The following ITGA2 variants were observed in gnomAD, a reference collection of about 807,000 sequenced individuals.
The protein encoded by ITGA2 is integrin alpha-2.
In ITGA2, 101 loss-of-function variants were observed where a neutral mutation model predicts 146.3. That is an observed-to-expected ratio of 0.69 (90% CI 0.59 to 0.81). The LOEUF (loss-of-function observed/expected upper bound fraction) is 0.81, where lower values mean the gene tolerates loss of function less well. Among genes scored for constraint, ITGA2 ranks in the 40% least tolerant of loss-of-function variants. The probability of loss-of-function intolerance (pLI) is 0.00; values close to 1 mark genes in which losing one functional copy is unlikely to be tolerated. For missense variants in ITGA2, 1,281 were observed against 1,402.7 expected (o/e 0.91, Z 1.39); for synonymous variants, 477 against 487.1 (o/e 0.98, Z 0.27).
chr5:53,052,037 T>C (rs959654077), intron 7 of ITGA2, among the ~76,000 whole-genome samples: 1 of 152,134 alleles, frequency 6.6e-6, no homozygotes, highest in African/African-American at 2.4e-5. Flanking sequence ...TTGATTCTTA[T>C]CTCAATTTCT....
intron 2 of ITGA2, among the ~76,000 whole-genome samples, chr5:53,040,908 C>G (rs1743762263): frequency 6.6e-6 from 1 of 152,012 alleles, no homozygotes; most frequent in African/African-American, 2.4e-5. Context: ...TAAACTAGAT[C>G]ATATATTCCA....
intron 25 of ITGA2, 112 bp downstream of exon 25, chr5:53,080,733 A>T: frequency 1.2e-6 from 1 of 801,548 alleles, no homozygotes; most frequent in Non-Finnish European, 2.2e-6. Flanking sequence ...GGTAACTCCT[A>T]TGCAGCCTGG....
chr5:53,067,280 G>A, intron 16 of ITGA2, 23 bp downstream of exon 16: 1 of 1,610,644 alleles, frequency 6.2e-7, no homozygotes, highest in African/African-American at 1.3e-5. Flanking sequence ...GAAATAATCT[G>A]TATAGAAATT....
chr5:52,990,035 C>A (rs41311619), intron 1 of ITGA2: 249 of 174,726 alleles, frequency 1.4e-3, no homozygotes, highest in Non-Finnish European at 2.2e-3. Flanking sequence ...AGCCTGCGAG[C>A]CCCAAAATGC....
chr5:53,062,661 C>T, intron 12 of ITGA2, 125 bp from the exon 13 acceptor site: 1 of 981,514 alleles, frequency 1.0e-6, no homozygotes, highest in South Asian at 1.3e-5. Flanking sequence ...TCTTCATGTT[C>T]CAAGCACTTT....
At chr5:53,038,954 A>G (rs965194212) in intron 2 of ITGA2, among the ~76,000 whole-genome samples, 8 of 152,132 alleles carry the variant, frequency 5.3e-5, no homozygotes, top group Non-Finnish European at 1.0e-4. Context: ...ATAGCTGGGC[A>G]TAGTGGTACA....
rs1260325071 is a variant in ITGA2 at position 53,062,924 on chromosome 5, A to G, written c.1597A>G (p.Lys533Glu). The G allele has an allele frequency of 1.2e-6, 2 of 1,608,470 alleles. No individual in the cohort carries two copies. Among genetic ancestry groups the G allele is most frequent in the East Asian group, 2.2e-5 (1 of 44,538 alleles). Residue 533 changes from lysine (K) to glutamate (E), a missense_variant, in exon 13 of 30, where the codon AAA becomes GAA. By Grantham distance (56) the Lys-to-Glu change is moderately conservative. Around this residue, in one of 3 missense-constraint regions of ITGA2, gnomAD observed 795 missense variants for 841.7 expected, o/e 0.94. Transcript: ENST00000296585. ...AGGAAGAGTCTACCTGTTTACTATCAAAGAGGTAAAAAAAAAAAAATAAAC... is the reference window on the plus strand; with the variant it reads ...AGGAAGAGTCTACCTGTTTACTATCGAAGAGGTAAAAAAAAAAAAATAAAC... ...EEGRVYLFTI[K>E]EGILGQHQFL... is the part of the protein sequence containing the mutation.
intron 2 of ITGA2, among the ~76,000 whole-genome samples, chr5:53,028,631 T>A (rs1743068653): frequency 6.6e-6 from 1 of 152,176 alleles, no homozygotes; most frequent in East Asian, 1.9e-4. Context: ...CAGACTGCTA[T>A]ATTAAACAAT....
chr5:53,083,739 C>T (rs1365862818), intron 27 of ITGA2, among the ~76,000 whole-genome samples: 1 of 152,184 alleles, frequency 6.6e-6, no homozygotes, highest in African/African-American at 2.4e-5. Flanking sequence ...ATCTCTGCGG[C>T]CCTGGGCTAC....
intron 2 of ITGA2, among the ~76,000 whole-genome samples, chr5:53,039,466 A>G (rs1743668337): frequency 6.6e-6 from 1 of 152,174 alleles, no homozygotes; most frequent in Admixed American, 6.6e-5. Flanking sequence ...GCAAAAATAC[A>G]TGCTCCCCAG....
Position 52,995,049 on chromosome 5 carries a change from C to T in ITGA2, c.64+5517C>T, listed in dbSNP as rs73754091. Among the ~76,000 whole-genome samples, 1,418 of 152,256 alleles carry T rather than the reference C, an allele frequency of 9.3e-3. 19 individuals carry two copies. Among genetic ancestry groups the T allele is most frequent in the African/African-American group, 0.031 (1,306 of 41,550 alleles). ...AAGCAACATAACTAGCAATAGGACT[C>T]GTCTCCTAGTTCCTGGGGCAGATGT... is the stretch of plus-strand genomic sequence containing the variant. On this transcript the variant is annotated intron_variant, in intron 1 of 29. Transcript: ENST00000296585.
chr5:53,052,584 T>G (rs749904104), intron 7 of ITGA2, among the ~76,000 whole-genome samples: 4 of 152,014 alleles, frequency 2.6e-5, no homozygotes, highest in Admixed American at 6.6e-5. Flanking sequence ...CTCCCTCTAC[T>G]TCCTTGAAAC....
chr5:53,084,854 G>A (rs1420586068), intron 27 of ITGA2, among the ~76,000 whole-genome samples: 1 of 152,146 alleles, frequency 6.6e-6, no homozygotes, highest in Non-Finnish European at 1.5e-5. Flanking sequence ...GGATTTTCTT[G>A]AGTTTAAGAC....
At chr5:53,065,688 G>A in intron 14 of ITGA2, 153 bp from the exon 15 acceptor site, 1 of 920,442 alleles carries the variant, frequency 1.1e-6, no homozygotes, top group South Asian at 1.5e-5. Context: ...CAGATAATAA[G>A]ATGTGATTAA....
intron 1 of ITGA2, among the ~76,000 whole-genome samples, chr5:53,004,841 C>T (rs1741747623): frequency 7.0e-6 from 1 of 143,080 alleles, no homozygotes; most frequent in African/African-American, 2.6e-5. Context: ...TAAATCTTTA[C>T]ACAGTGTGTG....
intron 1 of ITGA2, among the ~76,000 whole-genome samples, chr5:53,017,814 T>A (rs1481733388): frequency 6.6e-6 from 1 of 152,038 alleles, no homozygotes; most frequent in Non-Finnish European, 1.5e-5. Context: ...CAAGGTCTTC[T>A]GGCATGTGTG....
intron 4 of ITGA2, among the ~76,000 whole-genome samples, chr5:53,046,100 A>T (rs1327640147): frequency 2.0e-5 from 3 of 150,236 alleles, no homozygotes; most frequent in Non-Finnish European, 4.4e-5. Flanking sequence ...CTGAGGCAGG[A>T]GAATCACTGG....
intron 12 of ITGA2, 36 bp from the exon 13 acceptor site, chr5:53,062,750 T>C: frequency 1.2e-6 from 2 of 1,601,344 alleles, no homozygotes; most frequent in Non-Finnish European, 1.7e-6. Flanking sequence ...ATATGAATCC[T>C]AGGAATTCTA....
chr5:53,072,118 G>C lies in ITGA2; in HGVS notation c.2346+70G>C, dbSNP rs142831677. On this transcript the variant is annotated intron_variant, in intron 18 of 29. Coordinates refer to ENST00000296585, the MANE Select transcript of ITGA2 (RefSeq NM_002203.4). ...TTCCACAGTCACTGCAATAGTGTCT[G>C]AAGGATGGTTAGGATGCAGCCTGAA... is the stretch of plus-strand genomic sequence containing the variant. 256 of 1,100,140 alleles carry C rather than the reference G, an allele frequency of 2.3e-4. No individual in the cohort carries two copies. In the African/African-American group the frequency reaches 3.7e-3, roughly 16 times the overall value. 68.1% of individuals were successfully genotyped at this position (1,100,140 alleles called of 1,614,324 possible). A position where few individuals can be genotyped will look rare whatever the true frequency, so the allele number is the denominator to read the frequency against.
Sources: allele counts gnomAD v4.1 joint callset (sites outside exome capture counted in the v4.1 genomes callset), GRCh38; gene constraint gnomAD v4.1.1; regional missense constraint gnomAD v4.1.1; transcripts MANE v1.5; gene names NCBI Gene and HGNC (gene_info 2026-07-23, HGNC 2026-07-21).